The following ECM2 variants were observed in gnomAD, a reference collection of about 807,000 sequenced individuals.
ECM2 encodes extracellular matrix protein 2.
Under a neutral mutation model 67.5 loss-of-function variants are expected in ECM2, and 57 were observed. The observed-to-expected ratio is 0.84, with a 90% CI of 0.68 to 1.05. The LOEUF is 1.05. Among genes scored for constraint, ECM2 ranks in the 50% least tolerant of loss-of-function variants. ECM2 has a pLI of 0.00. For missense variants in ECM2, 741 were observed against 822.8 expected (o/e 0.90, Z 1.22); for synonymous variants, 258 against 294.5 (o/e 0.88, Z 1.27).
intron 1 of ECM2, 145 bp from the exon 2 acceptor site, chr9:92,523,038 G>T: frequency 1.2e-6 from 1 of 809,094 alleles, no homozygotes; most frequent in Non-Finnish European, 1.8e-6. Flanking sequence ...TAGTATTATT[G>T]CCAAATCATA....
intron 8 of ECM2, among the ~76,000 whole-genome samples, chr9:92,501,452 G>A (rs1396579648): frequency 6.6e-6 from 1 of 152,198 alleles, no homozygotes; most frequent in East Asian, 1.9e-4. Context: ...GTTCCAGCAA[G>A]GAAGTTTGGT....
intron 1 of ECM2, among the ~76,000 whole-genome samples, chr9:92,525,569 C>A (rs959222073): frequency 1.3e-4 from 20 of 152,090 alleles, no homozygotes; most frequent in African/African-American, 4.6e-4. Context: ...CTGGTATAAA[C>A]AAACCTACTG....
rs746538965 is a variant in ECM2 at position 92,515,100 on chromosome 9, C to T, written c.585G>A (p.Leu195=). 1.2e-6 allele frequency: 2 copies of T among 1,613,956 alleles called. No homozygotes were observed. Among genetic ancestry groups the T allele is most frequent in the East Asian group, 4.5e-5 (2 of 44,884 alleles). ...GGTCCATTCCCACCTGAGGAGGTGGCAGTTGCTTATGAAGTAAATTGGTAG... is the reference window on the plus strand; with the variant it reads ...GGTCCATTCCCACCTGAGGAGGTGGTAGTTGCTTATGAAGTAAATTGGTAG... The part of the protein sequence containing the change: ...REPTNLLHKQ[L]PPPQVGMDRI... Residue 195 remains leucine, a synonymous_variant, in exon 4 of 10, where the codon CTG becomes CTA. Coordinates refer to ENST00000344604, the MANE Select transcript of ECM2 (RefSeq NM_001393.4).
At chr9:92,493,965 T>G (rs1479937751), downstream of ECM2, 1 of 853,898 alleles carries the variant, frequency 1.2e-6, no homozygotes, top group African/African-American at 1.7e-5. Context: ...CCGTTGAGGG[T>G]GGCCGTAGTC....
chr9:92,536,412 G>T (rs987553), upstream of ECM2, among the ~76,000 whole-genome samples: 57,600 of 151,874 alleles, frequency 0.38, 13,643 homozygotes, highest in African/African-American at 0.67. Context: ...TGTATATCTG[G>T]AATCTATTTT....
chr9:92,529,598 T>G (rs1848624894), intron 1 of ECM2, among the ~76,000 whole-genome samples: 1 of 152,112 alleles, frequency 6.6e-6, no homozygotes, highest in African/African-American at 2.4e-5. Flanking sequence ...CTATGGTATA[T>G]TCAGACAATG....
chr9:92,555,114 A>G, the ECM2 span, among the ~76,000 whole-genome samples: 12 of 149,004 alleles, frequency 8.1e-5, no homozygotes, highest in East Asian at 2.0e-4. Flanking sequence ...TTCTTTCTCT[A>G]TCTTACAGAA....
chr9:92,532,086 C>T (rs760406128), intron 1 of ECM2, among the ~76,000 whole-genome samples: 13 of 134,012 alleles, frequency 9.7e-5, no homozygotes, highest in Non-Finnish European at 2.0e-4. Flanking sequence ...GCCTTGAATC[C>T]CTAGGCTAAA....
intron 9 of ECM2, among the ~76,000 whole-genome samples, chr9:92,499,685 C>G (rs79959995): frequency 0.011 from 1,650 of 152,308 alleles, 21 homozygotes; most frequent in South Asian, 0.054. Flanking sequence ...AAAGTCTTCC[C>G]AAACCCCCAT....
intron 1 of ECM2, among the ~76,000 whole-genome samples, chr9:92,534,103 A>G (rs1210493940): frequency 6.6e-6 from 1 of 152,086 alleles, no homozygotes; most frequent in East Asian, 1.9e-4. Context: ...ATGACTGTTC[A>G]AGGGTACATT....
At chr9:92,555,214 A>ATT in the ECM2 span, among the ~76,000 whole-genome samples, 1,441 of 63,426 alleles carry the variant, frequency 0.023, 95 homozygotes, top group East Asian at 0.06. Flanking sequence ...TTTTTTGGAA[A>ATT]TTTTTTTTTT....
chr9:92,504,441 A>G (rs995686830), intron 7 of ECM2, among the ~76,000 whole-genome samples: 1 of 152,198 alleles, frequency 6.6e-6, no homozygotes, highest in East Asian at 1.9e-4. Flanking sequence ...CATGTGGTCT[A>G]GGAGAAACGG....
the ECM2 span, among the ~76,000 whole-genome samples, chr9:92,545,749 T>C: frequency 6.6e-6 from 1 of 152,208 alleles, no homozygotes; most frequent in African/African-American, 2.4e-5. Flanking sequence ...TTGGAGAACC[T>C]TTATGTCTAG....
chr9:92,532,015 G>GTTTTTGTTTTTTTTTTT (rs1848798157), intron 1 of ECM2, among the ~76,000 whole-genome samples: 2 of 95,726 alleles, frequency 2.1e-5, no homozygotes. Flanking sequence ...TTTATTTAAT[G>GTTTTTGTTTTTTTTTTT]TTTTTTTTTT....
downstream of ECM2, chr9:92,494,121 CTG>C (rs755081251): frequency 1.9e-6 from 3 of 1,597,992 alleles, no homozygotes; most frequent in South Asian, 2.2e-5. Flanking sequence ...CTGTTTGTCA[CTG>C]TCTCTAGAAC....
In ECM2 at chr9:92,513,317, G is replaced by A. The variant is rs925940647; in HGVS notation, c.1055-1191C>T. Among the ~76,000 whole-genome samples, 27 of 152,262 alleles carry A rather than the reference G, an allele frequency of 1.8e-4. 1 individual carries two copies. In the East Asian group the frequency reaches 4.6e-3, roughly 26 times the overall value. On this transcript the variant is annotated intron_variant, in intron 4 of 9. Transcript: ENST00000344604. Reference sequence around the variant, plus strand: ...GAAAACAACTGACAGTACCAAGTGCGGGCAGGCTGCAGAGAGGCAGGAGCT... The same window carrying A: ...GAAAACAACTGACAGTACCAAGTGCAGGCAGGCTGCAGAGAGGCAGGAGCT...
the ECM2 span, among the ~76,000 whole-genome samples, chr9:92,550,146 C>G: frequency 6.6e-6 from 1 of 152,156 alleles, no homozygotes; most frequent in Non-Finnish European, 1.5e-5. Flanking sequence ...GCCTACAATC[C>G]TAGCACTTTG....
At chr9:92,519,531 A>G (rs1475707252) in intron 2 of ECM2, among the ~76,000 whole-genome samples, 1 of 152,232 alleles carries the variant, frequency 6.6e-6, no homozygotes, top group Non-Finnish European at 1.5e-5. Flanking sequence ...TTGATTTTCA[A>G]GAAGGGTGTC....
chr9:92,532,023 T>TG (rs1563990249), intron 1 of ECM2, among the ~76,000 whole-genome samples: 1 of 128,668 alleles, frequency 7.8e-6, no homozygotes, highest in Non-Finnish European at 1.6e-5. Context: ...ATGTTTTTTT[T>TG]TTTTTATTTT....
Sources: allele counts gnomAD v4.1 joint callset (sites outside exome capture counted in the v4.1 genomes callset), GRCh38; gene constraint gnomAD v4.1.1; transcripts MANE v1.5; gene names NCBI Gene and HGNC (gene_info 2026-07-23, HGNC 2026-07-21).